Variants in DMD observed in about 807,000 individuals in gnomAD.
The protein encoded by DMD is mutant dystrophin.
Under a neutral mutation model 330.1 loss-of-function variants are expected in DMD, and 63 were observed. The observed-to-expected ratio is 0.19, with a 90% confidence interval of 0.16 to 0.24. DMD has a LOEUF of 0.24. Among genes scored for constraint, DMD ranks in the 10% least tolerant of loss-of-function variants. The pLI, the probability that DMD is intolerant of heterozygous loss-of-function variation, is 1.00. For missense variants in DMD, 3,344 were observed against 2,684.1 expected, an observed-to-expected ratio of 1.25 and a Z score of -5.43; for synonymous variants, 1,223 against 959.8, an observed-to-expected ratio of 1.27 and a Z score of -5.07.
At chrX:32,466,014 A>G (rs1030401240) in intron 23 of DMD, among the ~76,000 whole-genome samples, 16 of 111,247 alleles carry the variant, frequency 1.4e-4, no homozygotes, top group Non-Finnish European at 2.6e-4. Context: ...TCATCTTGGG[A>G]ATGTTTTGAA....
At chrX:32,181,679 G>A (rs997853701) in intron 44 of DMD, among the ~76,000 whole-genome samples, 4 of 110,842 alleles carry the variant, frequency 3.6e-5, no homozygotes, top group African/African-American at 9.8e-5. Flanking sequence ...TAATATAATC[G>A]GAGGCAGATC....
At chrX:32,573,951 G>T in intron 13 of DMD, 105 bp from the exon 14 acceptor site, 1 of 619,391 alleles carries the variant, frequency 1.6e-6, no homozygotes, top group Non-Finnish European at 2.7e-6. Flanking sequence ...TCCTATGTAC[G>T]CTAGAAGTTG....
At chrX:31,360,531 T>C (rs961239613) in intron 60 of DMD, among the ~76,000 whole-genome samples, 2 of 112,298 alleles carry the variant, frequency 1.8e-5, no homozygotes, top group Admixed American at 9.4e-5. Flanking sequence ...TTAGGATGAA[T>C]GAAAGCATGG....
chrX:31,410,986 G>A (rs746154977), intron 60 of DMD, among the ~76,000 whole-genome samples: 3 of 95,373 alleles, frequency 3.1e-5, no homozygotes, highest in East Asian at 3.3e-4. Flanking sequence ...GGCTGGTCTC[G>A]AACTCCTGAC....
chrX:31,944,474 T>C (rs1400670384), intron 45 of DMD, among the ~76,000 whole-genome samples: 3 of 108,306 alleles, frequency 2.8e-5, no homozygotes, highest in Non-Finnish European at 3.8e-5. Flanking sequence ...TTTTGAACAA[T>C]TACCACTTTT....
intron 30 of DMD, among the ~76,000 whole-genome samples, chrX:32,390,822 AG>A (rs2097996972): frequency 9.0e-6 from 1 of 111,252 alleles, no homozygotes; most frequent in African/African-American, 3.3e-5. Context: ...GCCTGGCCTT[AG>A]TGTAGTCTAC....
At chrX:31,579,773 T>C (rs971567542) in intron 55 of DMD, among the ~76,000 whole-genome samples, 14 of 112,375 alleles carry the variant, frequency 1.2e-4, no homozygotes, top group African/African-American at 4.5e-4. Context: ...CTATTGCTTC[T>C]GTGACAATTT....
intron 42 of DMD, among the ~76,000 whole-genome samples, chrX:32,292,497 C>G (rs369368429): frequency 9.3e-6 from 1 of 107,914 alleles, no homozygotes; most frequent in Non-Finnish European, 1.9e-5. Context: ...TTAGTAGAGA[C>G]GGGGTTTCAC....
chrX:31,289,567 G>A (rs1407293540), intron 62 of DMD, among the ~76,000 whole-genome samples: 1 of 110,663 alleles, frequency 9.0e-6, no homozygotes, highest in Non-Finnish European at 1.9e-5. Flanking sequence ...AACTTCATAA[G>A]GCATCTTACA....
intron 5 of DMD, among the ~76,000 whole-genome samples, chrX:32,819,574 A>C (rs2148824103): frequency 8.9e-6 from 1 of 112,041 alleles, no homozygotes; most frequent in South Asian, 3.7e-4. Context: ...TTAGGCTAGC[A>C]ATTTTATTTG....
At chrX:33,245,812 T>C (rs756013638) in intron 1 of DMD, among the ~76,000 whole-genome samples, 2 of 112,167 alleles carry the variant, frequency 1.8e-5, no homozygotes, top group Non-Finnish European at 3.8e-5. Context: ...ATTTTTGTAA[T>C]CCATTAAGAA....
chrX:32,197,918 A>T (rs1374900849), intron 44 of DMD, among the ~76,000 whole-genome samples: 1 of 111,400 alleles, frequency 9.0e-6, no homozygotes, highest in Non-Finnish European at 1.9e-5. Flanking sequence ...CGTACAAAAG[A>T]TCTCATGAAC....
intron 26 of DMD, among the ~76,000 whole-genome samples, chrX:32,452,353 GA>G (rs1451713598): frequency 8.3e-5 from 1 of 12,022 alleles, no homozygotes; most frequent in Non-Finnish European, 1.7e-4. Flanking sequence ...AAGGGAAAGG[GA>G]AAGGGAAAGG....
chrX:31,316,497 G>GT lies in DMD; in HGVS notation c.9224+7100dup, dbSNP rs1172976413. Among the ~76,000 whole-genome samples, 3 of 111,240 alleles carry GT rather than the reference G, an allele frequency of 2.7e-5. No individual in the cohort carries two copies. In the Admixed American group the frequency reaches 2.9e-4, roughly 11 times the overall value. ...TGAAACTACAAAAAAGGATGTGAGG[G>GT]TTTTTTTCATGAACCTATGAGACAC... is the stretch of plus-strand genomic sequence containing the variant. On this transcript the variant is annotated intron_variant, in intron 62 of 78. Transcript: ENST00000357033.
chrX:33,215,018 C>T (rs147411427), upstream of DMD, among the ~76,000 whole-genome samples: 339 of 111,599 alleles, frequency 3.0e-3, no homozygotes, highest in African/African-American at 0.01. Flanking sequence ...GCTTGTTGGC[C>T]GCTTGTATGT....
rs2097636065 is a variant in DMD, at chrX:32,323,985, T to C, written c.5923-13709A>G. 5.4e-5 allele frequency among the ~76,000 whole-genome samples: 6 copies of C among 110,844 alleles called. No individual in the cohort carries two copies. In the Admixed American group the frequency reaches 5.8e-4, roughly 11 times the overall value. ...ATTTTTTTTTATAGATACCAGAGGCTGGGAAGAGTGTAGGTGGGCGGAATG... is the reference window on the plus strand; with the variant it reads ...ATTTTTTTTTATAGATACCAGAGGCCGGGAAGAGTGTAGGTGGGCGGAATG... On this transcript the variant is annotated intron_variant, in intron 41 of 78. Transcript: ENST00000357033.
At chrX:33,191,711 AC>A (rs779177935) in intron 1 of DMD, among the ~76,000 whole-genome samples, 1 of 112,354 alleles carries the variant, frequency 8.9e-6, no homozygotes, top group East Asian at 2.8e-4. Context: ...TGCATGAGCC[AC>A]CATGCCTGGC....
intron 49 of DMD, among the ~76,000 whole-genome samples, chrX:31,827,548 C>T (rs2092919326): frequency 8.9e-6 from 1 of 111,840 alleles, no homozygotes; most frequent in Non-Finnish European, 1.9e-5. Flanking sequence ...AAACAATGGA[C>T]TTAAATTACA....
At chrX:32,718,914 T>C (rs2065985710) in intron 7 of DMD, among the ~76,000 whole-genome samples, 1 of 112,209 alleles carries the variant, frequency 8.9e-6, no homozygotes, top group South Asian at 3.7e-4. Flanking sequence ...CAAGTGTAAA[T>C]AGTTAATAAC....
Sources: gnomAD v4.1 joint callset for allele counts (sites outside exome capture counted in the v4.1 genomes callset) on GRCh38, gnomAD v4.1.1 for gene constraint, MANE v1.5 for transcripts, NCBI Gene and HGNC (gene_info 2026-07-23, HGNC 2026-07-21) for gene names.